PDGFC: variants seen among roughly 807,000 people sequenced by gnomAD.
The protein encoded by PDGFC is platelet derived growth factor C.
A neutral mutation model predicts 35.5 loss-of-function variants in PDGFC; 12 were observed. That is an observed-to-expected ratio of 0.34 (90% CI 0.22 to 0.55). The LOEUF is 0.55. Among genes scored for constraint, PDGFC ranks in the 20% least tolerant of loss-of-function variants. The pLI is 0.91. For missense variants in PDGFC, 322 were observed against 412.4 expected, an observed-to-expected ratio of 0.78 and a Z score of 1.90; for synonymous variants, 159 against 148.8, an observed-to-expected ratio of 1.07 and a Z score of -0.50.
chr4:156,967,338 A>G (rs2110989319), intron 1 of PDGFC: 1 of 152,312 alleles, frequency 6.6e-6, no homozygotes, highest in South Asian at 2.1e-4. Flanking sequence ...AAAGAGATGG[A>G]AAATCCATAA....
chr4:156,768,082 C>T (rs763800226), intron 4 of PDGFC, 92 bp from the exon 5 acceptor site: 104 of 782,486 alleles, frequency 1.3e-4, no homozygotes, highest in Admixed American at 2.5e-4. Flanking sequence ...AGAAATCTTA[C>T]GTTATTTCAT....
intron 2 of PDGFC, among the ~76,000 whole-genome samples, chr4:156,827,176 G>A (rs1464294439): frequency 1.3e-5 from 2 of 152,158 alleles, no homozygotes; most frequent in Non-Finnish European, 2.9e-5. Flanking sequence ...CCAGCACTTT[G>A]GGAGGCCAAG....
Position 156,850,402 on chromosome 4 carries a change from G to T in PDGFC, c.133C>A (p.Gln45Lys). ...GACACAGTAATAATTCTCTCATGCT[G>T]AGGATCTTGTACTCCTAAAGCAAAA... ...NKEQNGVQDPQHERIITVSTN... is the reference protein window; with the variant it reads ...NKEQNGVQDPKHERIITVSTN... Residue 45 changes from glutamine to lysine, a missense_variant, in exon 2 of 6, where the codon CAG becomes AAG. Transcript: ENST00000502773. 1 of 1,590,540 alleles carries T rather than the reference G, an allele frequency of 6.3e-7. No individual in the cohort carries two copies. Among genetic ancestry groups the T allele is most frequent in the Non-Finnish European group, 8.6e-7 (1 of 1,167,338 alleles).
chr4:156,889,603 A>C (rs1730455515), intron 1 of PDGFC, among the ~76,000 whole-genome samples: 2 of 152,182 alleles, frequency 1.3e-5, no homozygotes, highest in Non-Finnish European at 2.9e-5. Flanking sequence ...CAAAACTTGA[A>C]CCTTTTTGTC....
chr4:156,824,106 G>A (rs1732352779), intron 2 of PDGFC, among the ~76,000 whole-genome samples: 1 of 151,698 alleles, frequency 6.6e-6, no homozygotes, highest in Admixed American at 6.6e-5. Flanking sequence ...AAGAGAAGAT[G>A]TTGATCAAAG....
chr4:156,897,897 C>T (rs1391070664), intron 1 of PDGFC, among the ~76,000 whole-genome samples: 1 of 152,182 alleles, frequency 6.6e-6, no homozygotes, highest in Admixed American at 6.5e-5. Context: ...ATGAGCTTCA[C>T]ACCATAAAGC....
intron 2 of PDGFC, among the ~76,000 whole-genome samples, chr4:156,831,906 T>C (rs968787120): frequency 2.2e-4 from 33 of 152,300 alleles, no homozygotes; most frequent in Non-Finnish European, 4.4e-4. Flanking sequence ...AGTGAGCACT[T>C]TGATTTGCTA....
At chr4:156,869,325 A>G (rs1240346139) in intron 1 of PDGFC, among the ~76,000 whole-genome samples, 4 of 151,468 alleles carry the variant, frequency 2.6e-5, no homozygotes, top group Non-Finnish European at 2.9e-5. Context: ...AGTCCCAGCT[A>G]CTCCGGAGGC....
chr4:156,838,449 C>G (rs28690580), intron 2 of PDGFC, among the ~76,000 whole-genome samples: 9,067 of 152,240 alleles, frequency 0.06, 893 homozygotes, highest in African/African-American at 0.21. Context: ...TTGCGGAAAA[C>G]TTTTTGTCTC....
intron 3 of PDGFC, among the ~76,000 whole-genome samples, chr4:156,793,654 A>T (rs988113592): frequency 2.0e-5 from 3 of 150,632 alleles, no homozygotes; most frequent in African/African-American, 7.3e-5. Flanking sequence ...AAATTTTTTA[A>T]ATACCAATCA....
chr4:156,945,359 A>G (rs1731918552), intron 1 of PDGFC, among the ~76,000 whole-genome samples: 2 of 93,868 alleles, frequency 2.1e-5, no homozygotes, highest in East Asian at 9.3e-4. Context: ...ATATATATAT[A>G]TATATATATA....
intron 1 of PDGFC, among the ~76,000 whole-genome samples, chr4:156,908,813 AC>A (rs1243126585): frequency 6.6e-6 from 1 of 152,198 alleles, no homozygotes; most frequent in East Asian, 1.9e-4. Flanking sequence ...TATTCATAAT[AC>A]CCAAAAAGTT....
chr4:156,927,857 G>A (rs1447093259), intron 1 of PDGFC, among the ~76,000 whole-genome samples: 1 of 151,974 alleles, frequency 6.6e-6, no homozygotes, highest in Non-Finnish European at 1.5e-5. Context: ...CACTCTACTG[G>A]TACCAATTTA....
intron 1 of PDGFC, among the ~76,000 whole-genome samples, chr4:156,867,113 T>A (rs954184527): frequency 6.6e-6 from 1 of 152,216 alleles, no homozygotes; most frequent in Non-Finnish European, 1.5e-5. Flanking sequence ...ATACTATAAT[T>A]TTTTTAATAT....
intron 2 of PDGFC, among the ~76,000 whole-genome samples, chr4:156,838,280 T>C (rs1729114798): frequency 6.6e-6 from 1 of 152,164 alleles, no homozygotes; most frequent in African/African-American, 2.4e-5. Flanking sequence ...AGGGGCCATT[T>C]CTCCACCAAT....
At chr4:156,791,144 G>C (rs1731291133) in intron 3 of PDGFC, among the ~76,000 whole-genome samples, 1 of 152,098 alleles carries the variant, frequency 6.6e-6, no homozygotes, top group South Asian at 2.1e-4. Flanking sequence ...TGTGCTGCTT[G>C]CTGTCACAGG....
chr4:156,842,158 CAAT>C (rs1729220131), intron 2 of PDGFC: 1 of 152,062 alleles, frequency 6.6e-6, no homozygotes, highest in Admixed American at 6.5e-5. Flanking sequence ...TTTATAATGT[CAAT>C]AATATTGAAA....
At chr4:156,922,182 G>A (rs200020086) in intron 1 of PDGFC, among the ~76,000 whole-genome samples, 13 of 151,622 alleles carry the variant, frequency 8.6e-5, no homozygotes, top group Admixed American at 7.9e-4. Flanking sequence ...GTGTGTGTGT[G>A]TGTGTGTGTG....
intron 4 of PDGFC, chr4:156,770,376 AT>A (rs1455231655): frequency 1.3e-5 from 2 of 152,086 alleles, no homozygotes; most frequent in Non-Finnish European, 2.9e-5. Flanking sequence ...TTGGCATTTC[AT>A]TTTGAAATTT....
Sources: allele counts gnomAD v4.1 joint callset (sites outside exome capture counted in the v4.1 genomes callset), GRCh38; gene constraint gnomAD v4.1.1; transcripts MANE v1.5; gene names NCBI Gene and HGNC (gene_info 2026-07-23, HGNC 2026-07-21).